Variants in CADM2 observed in about 807,000 individuals in gnomAD.
The protein encoded by CADM2 is cell adhesion molecule 2.
CADM2 carries 12 observed loss-of-function variants against 49.8 expected under a neutral mutation model. The observed-to-expected ratio is 0.24, with a 90% CI of 0.15 to 0.39. The LOEUF (loss-of-function observed/expected upper bound fraction) is 0.39, where lower values mean the gene tolerates loss of function less well. CADM2 is among the 10% of genes least tolerant of loss of function. The pLI, the probability that CADM2 is intolerant of heterozygous loss-of-function variation, is 1.00. For synonymous variants in CADM2, 214 were observed against 175.4 expected, an observed-to-expected ratio of 1.22 and a Z score of -1.74; for missense variants, 378 against 492.3, an observed-to-expected ratio of 0.77 and a Z score of 2.20.
chr3:85,744,531 TAATAAATA>T (rs540954249), intron 2 of CADM2, among the ~76,000 whole-genome samples: 1 of 151,460 alleles, frequency 6.6e-6, no homozygotes, highest in Non-Finnish European at 1.5e-5. Flanking sequence ...TAAAGATAAA[TAATAAATA>T]AATAAATAAA....
intron 1 of CADM2, among the ~76,000 whole-genome samples, chr3:85,092,513 T>A (rs1249845676): frequency 6.6e-6 from 1 of 152,176 alleles, no homozygotes; most frequent in Non-Finnish European, 1.5e-5. Flanking sequence ...TGGGAGTAGC[T>A]CATCTGGCAG....
chr3:85,162,999 A>C (rs956627987), intron 1 of CADM2, among the ~76,000 whole-genome samples: 9 of 151,998 alleles, frequency 5.9e-5, no homozygotes, highest in African/African-American at 2.2e-4. Context: ...CTACCTGATA[A>C]ACAAATGGAA....
chr3:85,758,940 G>A (rs903159269), intron 2 of CADM2, among the ~76,000 whole-genome samples: 9 of 151,530 alleles, frequency 5.9e-5, no homozygotes, highest in African/African-American at 2.2e-4. Flanking sequence ...GTGGGGGTGG[G>A]GACACAGAAC....
rs554126899 is a variant in CADM2, at chr3:85,572,511, C to A, written c.62-154011C>A. On this transcript the variant is annotated intron_variant, in intron 1 of 9. Transcript: ENST00000383699. ...AGAGGTAACTTATTAGGGAAATTGG[C>A]GTGCATGATTATGGAAGCTGAGAAA... 1.5e-4 allele frequency among the ~76,000 whole-genome samples: 23 copies of A among 152,122 alleles called. No homozygotes were observed. The Middle Eastern group carries it at 0.01, about 67-fold the overall frequency.
intron 1 of CADM2, among the ~76,000 whole-genome samples, chr3:85,052,345 A>T (rs1269252142): frequency 6.6e-6 from 1 of 152,144 alleles, no homozygotes; most frequent in Admixed American, 6.6e-5. Flanking sequence ...AACTGACATA[A>T]ATCAAGTATT....
intron 3 of CADM2, among the ~76,000 whole-genome samples, chr3:85,836,891 G>A (rs1458869162): frequency 6.6e-6 from 1 of 151,612 alleles, no homozygotes. Context: ...AACAAACATA[G>A]TTCAGATAAC....
intron 1 of CADM2, among the ~76,000 whole-genome samples, chr3:85,019,912 C>T (rs1355276338): frequency 3.3e-5 from 5 of 152,128 alleles, no homozygotes; most frequent in African/African-American, 4.8e-5. Flanking sequence ...AAAACAGCTA[C>T]GAGTGCCAGG....
chr3:85,802,314 GTATT>G (rs1241500180), intron 3 of CADM2, 118 bp downstream of exon 3: 1 of 846,862 alleles, frequency 1.2e-6, no homozygotes, highest in African/African-American at 1.7e-5. Context: ...GCTGCTGCTT[GTATT>G]TAAACATGTT....
In CADM2 at chr3:85,936,952, A is replaced by G. The variant is rs535384605; in HGVS notation, c.791+1095A>G. 6.6e-5 allele frequency among the ~76,000 whole-genome samples: 10 copies of G among 151,750 alleles called. No individual in the cohort carries two copies. In the East Asian group the frequency reaches 1.2e-3, roughly 18 times the overall value. The stretch of plus-strand genomic sequence containing the variant: ...CAGATTTATCCAAAAGTACATTTGT[A>G]TACATTTGGATTATGTGCACAATTT... On this transcript the variant is annotated intron_variant, in intron 7 of 9. Coordinates refer to ENST00000383699, the MANE Select transcript of CADM2 (RefSeq NM_001167675.2).
At chr3:85,857,649 C>T (rs1434018012) in intron 3 of CADM2, among the ~76,000 whole-genome samples, 1 of 152,018 alleles carries the variant, frequency 6.6e-6, no homozygotes, top group Non-Finnish European at 1.5e-5. Context: ...GTTCTTGGTT[C>T]ATTTAAAGGG....
chr3:85,007,643 G>T (rs1189777809), intron 1 of CADM2, among the ~76,000 whole-genome samples: 1 of 152,166 alleles, frequency 6.6e-6, no homozygotes, highest in Admixed American at 6.5e-5. Flanking sequence ...TGATTAGTTA[G>T]CTTGAGAAAC....
chr3:85,802,227 C>T lies in CADM2; in HGVS notation c.238+31C>T, dbSNP rs373882299. On this transcript the variant is annotated intron_variant, in intron 3 of 9. Coordinates refer to ENST00000383699, the MANE Select transcript of CADM2 (RefSeq NM_001167675.2). ...TACATTTTCTTTCAAATGTTTTAATCGTATTCTAAAATATCCTAATTACAA... is the reference window on the plus strand; with the variant it reads ...TACATTTTCTTTCAAATGTTTTAATTGTATTCTAAAATATCCTAATTACAA... 16 of 1,571,154 alleles carry T rather than the reference C, an allele frequency of 1.0e-5. 1 individual carries two copies. The highest frequency in any genetic ancestry group is 5.9e-5 in the South Asian group (5 of 85,468).
Position 85,080,445 on chromosome 3 carries a change from A to G in CADM2, c.61+120777A>G, listed in dbSNP as rs2037119945. ...TGAATATCTCAGTCCAGACAGTTTC[A>G]AGCATATTCCTTCAATTGTCATAGA... On this transcript the variant is annotated intron_variant, in intron 1 of 9. Transcript: ENST00000383699. Among the ~76,000 whole-genome samples the G allele has an allele frequency of 1.3e-5, 2 of 152,078 alleles. 1 individual carries two copies. Among genetic ancestry groups the G allele is most frequent in the South Asian group, 4.1e-4 (2 of 4,828 alleles).
chr3:85,456,100 G>C (rs528887333), intron 1 of CADM2, among the ~76,000 whole-genome samples: 1 of 152,246 alleles, frequency 6.6e-6, no homozygotes, highest in Admixed American at 6.5e-5. Context: ...TTTTGGATCT[G>C]CCTGTCAGTG....
intron 8 of CADM2, among the ~76,000 whole-genome samples, chr3:86,017,809 G>A (rs1410407199): frequency 6.7e-6 from 1 of 149,082 alleles, no homozygotes; most frequent in Non-Finnish European, 1.5e-5. Context: ...GAAAAATTAT[G>A]TTATGTGTAC....
intron 1 of CADM2, among the ~76,000 whole-genome samples, chr3:85,470,430 A>G (rs1031185241): frequency 2.6e-5 from 4 of 152,180 alleles, no homozygotes; most frequent in African/African-American, 9.7e-5. Context: ...GTGTTTTAGT[A>G]GAAAAGGAAA....
chr3:85,780,279 AC>A (rs2070572213), intron 2 of CADM2, among the ~76,000 whole-genome samples: 1 of 152,158 alleles, frequency 6.6e-6, no homozygotes, highest in Admixed American at 6.6e-5. Flanking sequence ...AAAATAGTGT[AC>A]TTATTCAGAG....
chr3:85,902,527 T>G (rs1716263415), intron 5 of CADM2, among the ~76,000 whole-genome samples: 1 of 151,840 alleles, frequency 6.6e-6, no homozygotes, highest in African/African-American at 2.4e-5. Context: ...TTATAATTGA[T>G]ATTGGTTAAT....
intron 1 of CADM2, among the ~76,000 whole-genome samples, chr3:85,156,659 C>G (rs1041830779): frequency 3.9e-5 from 6 of 152,016 alleles, no homozygotes; most frequent in Non-Finnish European, 7.4e-5. Context: ...TAAAAACTCT[C>G]AATAAAATAG....
Sources: allele counts gnomAD v4.1 joint callset (sites outside exome capture counted in the v4.1 genomes callset), GRCh38; gene constraint gnomAD v4.1.1; transcripts MANE v1.5; gene names NCBI Gene and HGNC (gene_info 2026-07-23, HGNC 2026-07-21).